ADAMTS15: variants seen among roughly 807,000 people sequenced by gnomAD.
The protein encoded by ADAMTS15 is A disintegrin and metalloproteinase with thrombospondin motifs 15.
A neutral mutation model predicts 79.1 loss-of-function variants in ADAMTS15; 35 were observed. The ratio of observed to expected loss-of-function variants is 0.44; its 90% CI spans 0.34 to 0.59. ADAMTS15 has a LOEUF of 0.59. Among genes scored for constraint, ADAMTS15 ranks in the 20% least tolerant of loss-of-function variants. ADAMTS15 has a pLI of 0.02. For missense variants in ADAMTS15, 1,324 were observed against 1,318.7 expected (o/e 1.00, Z -0.06); for synonymous variants, 616 against 567.3 (o/e 1.09, Z -1.22).
chr11:130,470,162 A>ATATATATACG (rs1938406014), intron 5 of ADAMTS15, among the ~76,000 whole-genome samples: 1 of 56,602 alleles, frequency 1.8e-5, no homozygotes, highest in Non-Finnish European at 3.3e-5. Flanking sequence ...GTGTATATAT[A>ATATATATACG]TATATATATA....
chr11:130,462,583 G>A lies in ADAMTS15; in HGVS notation c.1345G>A (p.Glu449Lys), dbSNP rs774530529. Residue 449 changes from glutamate to lysine, a missense_variant, in exon 4 of 8, where the codon GAG becomes AAG. Glu to Lys is a moderately conservative substitution (Grantham distance 56). Coordinates refer to ENST00000299164, the MANE Select transcript of ADAMTS15 (RefSeq NM_139055.4). This position sits in a 1 kb window ranked among gnomAD's most constrained non-coding sequence, Gnocchi z 4.3. Reference sequence around the variant, plus strand: ...CAGCTACACCCTGAGCCAGCAGTGCGAGCTGGCTTTTGGCGTGGGCTCCAA... The same window carrying A: ...CAGCTACACCCTGAGCCAGCAGTGCAAGCTGGCTTTTGGCGTGGGCTCCAA... ...GASYTLSQQC[E>K]LAFGVGSKPC... The A allele has an allele frequency of 5.0e-6, 8 of 1,613,704 alleles. No individual in the cohort carries two copies. Among genetic ancestry groups the A allele is most frequent in the Admixed American group, 1.7e-5 (1 of 60,014 alleles).
chr11:130,450,533 C>T (rs887553551), intron 1 of ADAMTS15: 2 of 717,814 alleles, frequency 2.8e-6, no homozygotes, highest in African/African-American at 1.9e-5. Context: ...CTGCGAGCAT[C>T]CCTCCTTCAC....
At chr11:130,467,438 G>A (rs1592149004) in intron 4 of ADAMTS15, among the ~76,000 whole-genome samples, 1 of 152,158 alleles carries the variant, frequency 6.6e-6, no homozygotes, top group East Asian at 1.9e-4. Flanking sequence ...GGACGGCGGT[G>A]GTGGTTTTTA....
intron 1 of ADAMTS15, among the ~76,000 whole-genome samples, chr11:130,456,706 T>C (rs557037705): frequency 2.0e-4 from 31 of 152,246 alleles, no homozygotes; most frequent in Admixed American, 1.8e-3. Context: ...TAGCTTTGGA[T>C]TGGGGACCTC....
At chr11:130,452,550 A>G (rs1268729716) in intron 1 of ADAMTS15, among the ~76,000 whole-genome samples, 2 of 152,350 alleles carry the variant, frequency 1.3e-5, no homozygotes, top group South Asian at 2.1e-4. Flanking sequence ...TTTAGGTCCA[A>G]TAACGCTGCC....
chr11:130,457,155 C>T (rs567513495), intron 1 of ADAMTS15, among the ~76,000 whole-genome samples: 49 of 149,368 alleles, frequency 3.3e-4, no homozygotes, highest in African/African-American at 1.2e-3. Context: ...TGCTTGAACC[C>T]GGGAGGCAGA....
At chr11:130,451,286 G>GGC (rs1937955897) in intron 1 of ADAMTS15, among the ~76,000 whole-genome samples, 1 of 152,196 alleles carries the variant, frequency 6.6e-6, no homozygotes, top group Non-Finnish European at 1.5e-5. Context: ...AAGTTGGACT[G>GGC]GCGCACACAG....
intron 4 of ADAMTS15, among the ~76,000 whole-genome samples, chr11:130,463,693 C>G (rs1017864226): frequency 6.6e-6 from 1 of 152,152 alleles, no homozygotes; most frequent in African/African-American, 2.4e-5. Context: ...GGATACATGT[C>G]TAATTAAACC....
In ADAMTS15 at chr11:130,449,534, C is replaced by G. The variant is rs747319086; in HGVS notation, c.561C>G (p.Ala187=). 6.4e-7 allele frequency: 1 copy of G among 1,574,454 alleles called. No homozygotes were observed. The highest frequency in any genetic ancestry group is 8.6e-7 in the Non-Finnish European group (1 of 1,160,268). Residue 187 remains alanine (A), a synonymous_variant, in exon 1 of 8, where the codon GCC becomes GCG. Coordinates refer to ENST00000299164, the MANE Select transcript of ADAMTS15 (RefSeq NM_139055.4). This position sits in a 1 kb window ranked among gnomAD's most constrained non-coding sequence, Gnocchi z 7.8. Reference sequence around the variant, plus strand: ...GCTGGAACCCCGCCATCCTACGGGCCCTGGACCCTTACAAGCCGCGGCGGG... The same window carrying G: ...GCTGGAACCCCGCCATCCTACGGGCGCTGGACCCTTACAAGCCGCGGCGGG... ...ASGWNPAILR[A]LDPYKPRRAG... is the part of the protein sequence containing the mutation.
chr11:130,459,029 T>G (rs1592145650), intron 1 of ADAMTS15, among the ~76,000 whole-genome samples: 12 of 135,400 alleles, frequency 8.9e-5, no homozygotes, highest in Admixed American at 6.5e-4. Flanking sequence ...CCAAGTGTTT[T>G]TTTTTTTTTT....
Position 130,469,454 on chromosome 11 carries a change from G to A in ADAMTS15, c.1720+15G>A, listed in dbSNP as rs767694916. 1.5e-6 allele frequency: 2 copies of A among 1,326,712 alleles called. No individual in the cohort carries two copies. Among genetic ancestry groups the A allele is most frequent in the South Asian group, 2.7e-5 (1 of 37,144 alleles). The allele number at this position is 1,326,712 out of a possible 1,614,324, so 82.2% of individuals were successfully genotyped here. A position where few individuals can be genotyped will look rare whatever the true frequency, so the allele number is the denominator to read the frequency against. On this transcript the variant is annotated intron_variant, in intron 5 of 7. Transcript: ENST00000299164. ...CCCCAGCTCAGGTGAGGTGGGGAGA[G>A]CAGTGGTGGCCTGGGCCCAGGGGAG...
At chr11:130,468,939 CAAAAAAAA>C (rs911391031) in intron 4 of ADAMTS15, among the ~76,000 whole-genome samples, 7 of 27,856 alleles carry the variant, frequency 2.5e-4, no homozygotes, top group Admixed American at 8.9e-4. Flanking sequence ...TCCACCTCAA[CAAAAAAAA>C]AAAAAAAAAA....
At chr11:130,466,060 A>G (rs1227946783) in intron 4 of ADAMTS15, among the ~76,000 whole-genome samples, 2 of 151,694 alleles carry the variant, frequency 1.3e-5, no homozygotes, top group Admixed American at 1.3e-4. Flanking sequence ...TTTAGTGGAG[A>G]TGGGGTTTCA....
chr11:130,473,133 A>G lies in ADAMTS15; in HGVS notation c.2165A>G (p.Asp722Gly). ...CGCGGTTACAAAGGGCTGATCGGGG[A>G]TGACAACTACCTGGCTCTGAAGAAC... ...RQRGYKGLIGDDNYLALKNSQ... is the reference protein window; with the variant it reads ...RQRGYKGLIGGDNYLALKNSQ... The change falls in exon 8 of 8, where the codon GAT becomes GGT. Residue 722 changes from aspartate to glycine, a missense_variant. Transcript: ENST00000299164. The G allele has an allele frequency of 4.3e-6, 7 of 1,614,084 alleles. No individual in the cohort carries two copies. Among genetic ancestry groups the G allele is most frequent in the South Asian group, 1.1e-5 (1 of 91,084 alleles).
intron 1 of ADAMTS15, among the ~76,000 whole-genome samples, chr11:130,458,255 T>C (rs1383585636): frequency 6.6e-6 from 1 of 152,274 alleles, no homozygotes; most frequent in East Asian, 1.9e-4. Context: ...AGATGGGGTC[T>C]TGTTACGCTG....
rs1938217762 is a variant in ADAMTS15 at position 130,462,333 on chromosome 11, C to G, written c.1258+79C>G. The G allele has an allele frequency of 6.6e-7, 1 of 1,520,364 alleles. No individual in the cohort carries two copies. 94.2% of individuals were successfully genotyped at this position (1,520,364 alleles called of 1,614,324 possible). On this transcript the variant is annotated intron_variant, in intron 3 of 7. Transcript: ENST00000299164. This position sits in a 1 kb window ranked among gnomAD's most constrained non-coding sequence, Gnocchi z 4.3. ...CTGCCCCTGGTGGAGGTGCTCACTT[C>G]TCCGTCCTCTGTACATTAGGTGTGT... is the stretch of plus-strand genomic sequence containing the variant.
rs1359683859 is a variant in ADAMTS15 at position 130,475,750 on chromosome 11, G to C, written c.*1929G>C. On this transcript the variant is annotated 3_prime_UTR_variant, in exon 8 of 8. Transcript: ENST00000299164. ...CCTCTGTGCCAGTGACCACTGTGGG[G>C]CTAAAGGGACAAAAAGGACCAGGGT... 6.6e-6 allele frequency: 1 copy of C among 152,414 alleles called. No individual in the cohort carries two copies. The highest frequency in any genetic ancestry group is 1.9e-4 in the East Asian group (1 of 5,198). 9.4% of individuals were successfully genotyped at this position (152,414 alleles called of 1,614,324 possible).
intron 4 of ADAMTS15, among the ~76,000 whole-genome samples, chr11:130,463,649 A>G (rs1270320874): frequency 6.6e-6 from 1 of 152,230 alleles, no homozygotes; most frequent in Non-Finnish European, 1.5e-5. Context: ...TGAGTATGGC[A>G]CAGAATTATT....
chr11:130,469,455 C>G lies in ADAMTS15; in HGVS notation c.1720+16C>G. 1 of 1,324,256 alleles carries G rather than the reference C, an allele frequency of 7.6e-7. No individual in the cohort carries two copies. Among genetic ancestry groups the G allele is most frequent in the Non-Finnish European group, 9.7e-7 (1 of 1,028,748 alleles). The allele number at this position is 1,324,256 out of a possible 1,614,324, so 82.0% of individuals were successfully genotyped here. On this transcript the variant is annotated intron_variant, in intron 5 of 7. Coordinates refer to ENST00000299164, the MANE Select transcript of ADAMTS15 (RefSeq NM_139055.4). ...CCCAGCTCAGGTGAGGTGGGGAGAG[C>G]AGTGGTGGCCTGGGCCCAGGGGAGG...
Sources: allele counts gnomAD v4.1 joint callset (sites outside exome capture counted in the v4.1 genomes callset), GRCh38; gene constraint gnomAD v4.1.1; non-coding constraint Gnocchi (gnomAD v3.1); transcripts MANE v1.5; gene names NCBI Gene and HGNC (gene_info 2026-07-23, HGNC 2026-07-21).